Variants in KAZN observed in about 807,000 individuals in gnomAD.
The protein encoded by KAZN is kazrin.
KAZN carries 40 observed loss-of-function variants against 87.4 expected under a neutral mutation model. The ratio of observed to expected loss-of-function variants is 0.46; its 90% CI spans 0.36 to 0.60. The LOEUF is 0.60. KAZN is among the 20% of genes least tolerant of loss of function. The pLI, the probability that KAZN is intolerant of heterozygous loss-of-function variation, is 0.00. For synonymous variants in KAZN, 466 were observed against 458.3 expected, an observed-to-expected ratio of 1.02 and a Z score of -0.22; for missense variants, 898 against 1,073.9, an observed-to-expected ratio of 0.84 and a Z score of 2.29.
intron 1 of KAZN, among the ~76,000 whole-genome samples, chr1:14,946,547 C>A (rs1219182824): frequency 6.6e-6 from 1 of 152,026 alleles, no homozygotes; most frequent in Non-Finnish European, 1.5e-5. Flanking sequence ...CCGTGTTAGC[C>A]AGGATGGTCT....
At chr1:15,045,246 A>C (rs1158339639) in intron 4 of KAZN, among the ~76,000 whole-genome samples, 3 of 152,176 alleles carry the variant, frequency 2.0e-5, no homozygotes, top group Non-Finnish European at 4.4e-5. Flanking sequence ...CGTAAGTCTT[A>C]GAGGATTTGT....
intron 1 of KAZN, among the ~76,000 whole-genome samples, chr1:13,979,106 A>C (rs1460935230): frequency 6.6e-6 from 1 of 152,102 alleles, no homozygotes; most frequent in Non-Finnish European, 1.5e-5. Flanking sequence ...AAGAAAAAAA[A>C]AAAAAGCAAA....
rs79823808 is a variant in KAZN, at chr1:15,091,508, G to A, written c.1223-2672G>A. On this transcript the variant is annotated intron_variant, in intron 8 of 14. Transcript: ENST00000376030. ...TACAGGCGTGTGCTACCACGCCCAC[G>A]CCGGGATAATTTTTTGTAATTTTAG... is the stretch of plus-strand genomic sequence containing the variant. 4.2e-3 allele frequency among the ~76,000 whole-genome samples: 638 copies of A among 152,108 alleles called. 7 individuals are homozygous for A. The East Asian group carries it at 0.045, about 11-fold the overall frequency.
rs34732365 is a variant in KAZN, at chr1:14,743,429, C to CAA, written c.226+144219_226+144220dup. Among the ~76,000 whole-genome samples, 312 of 135,502 alleles carry CAA rather than the reference C, an allele frequency of 2.3e-3. 4 individuals are homozygous for CAA. Among genetic ancestry groups the CAA allele is most frequent in the Admixed American group, 7.6e-3 (100 of 13,150 alleles). The allele number at this position is 135,502 out of a possible 152,430, so 88.9% of individuals were successfully genotyped here. ...TGGGGGACTGAGCGAGACTCTGTCT[C>CAA]AAAAAAAAAAAAAAGTACATACAAT... On this transcript the variant is annotated intron_variant, in intron 1 of 14. Transcript: ENST00000376030.
At chr1:14,416,740 GA>G (rs913483575) in intron 2 of KAZN, among the ~76,000 whole-genome samples, 49 of 148,484 alleles carry the variant, frequency 3.3e-4, no homozygotes, top group African/African-American at 1.1e-3. Context: ...CTGTCTCAAA[GA>G]AAAAAAAATA....
intron 2 of KAZN, among the ~76,000 whole-genome samples, chr1:14,431,344 T>G (rs1666059448): frequency 6.6e-6 from 1 of 152,178 alleles, no homozygotes; most frequent in Admixed American, 6.5e-5. Context: ...AAATAGCCAA[T>G]AAGTGTGGAG....
chr1:14,415,079 T>C (rs6662750), intron 2 of KAZN, among the ~76,000 whole-genome samples: 69,113 of 151,946 alleles, frequency 0.45, 16,489 homozygotes, highest in African/African-American at 0.58. Flanking sequence ...CAGAGGGAGC[T>C]TCAATTGTAT....
chr1:14,130,515 G>T (rs896232380), intron 1 of KAZN, among the ~76,000 whole-genome samples: 2 of 145,384 alleles, frequency 1.4e-5, no homozygotes, highest in African/African-American at 2.6e-5. Flanking sequence ...TATTAATGTA[G>T]CATGTCTTGT....
At chr1:14,603,492 CTTA>C (rs1297703002) in intron 1 of KAZN, among the ~76,000 whole-genome samples, 1 of 152,208 alleles carries the variant, frequency 6.6e-6, no homozygotes, top group Non-Finnish European at 1.5e-5. Flanking sequence ...GTTGAAATTA[CTTA>C]TTGATTGGGG....
chr1:14,317,468 A>G (rs1655732067), intron 2 of KAZN, among the ~76,000 whole-genome samples: 1 of 151,962 alleles, frequency 6.6e-6, no homozygotes, highest in South Asian at 2.1e-4. Context: ...TGCTTTCTAA[A>G]AAAATTAGCT....
chr1:14,361,024 T>G (rs1192304325), intron 2 of KAZN, among the ~76,000 whole-genome samples: 1 of 152,228 alleles, frequency 6.6e-6, no homozygotes, highest in Non-Finnish European at 1.5e-5. Context: ...TTAAGTCTGC[T>G]GAAGCTGCAC....
At chr1:14,924,732 G>T (rs995565280) in intron 1 of KAZN, among the ~76,000 whole-genome samples, 3 of 152,194 alleles carry the variant, frequency 2.0e-5, no homozygotes, top group African/African-American at 7.2e-5. Context: ...GGTGCAGCGG[G>T]AGGCGTGCGG....
chr1:14,070,066 G>A (rs1360284389), intron 1 of KAZN, among the ~76,000 whole-genome samples: 1 of 150,422 alleles, frequency 6.6e-6, no homozygotes, highest in Non-Finnish European at 1.5e-5. Flanking sequence ...CTACTCGGGA[G>A]GCTAAGGCAG....
intron 1 of KAZN, among the ~76,000 whole-genome samples, chr1:14,775,652 C>G (rs1353590272): frequency 6.6e-6 from 1 of 152,214 alleles, no homozygotes; most frequent in Non-Finnish European, 1.5e-5. Context: ...GCCACACTTC[C>G]TCAACGTGCG....
chr1:14,592,068 T>G (rs1676235123), intron 2 of KAZN, among the ~76,000 whole-genome samples: 1 of 152,164 alleles, frequency 6.6e-6, no homozygotes, highest in Non-Finnish European at 1.5e-5. Flanking sequence ...CCCTGAGCCT[T>G]GGCCGCTCCT....
chr1:14,420,689 G>A (rs577609482), intron 2 of KAZN, among the ~76,000 whole-genome samples: 5 of 152,288 alleles, frequency 3.3e-5, no homozygotes, highest in South Asian at 4.1e-4. Context: ...CGAGTGCAGC[G>A]CCTGCAGGCC....
At chr1:14,585,446 A>G (rs1281915082) in intron 2 of KAZN, among the ~76,000 whole-genome samples, 1 of 152,202 alleles carries the variant, frequency 6.6e-6, no homozygotes, top group Non-Finnish European at 1.5e-5. Context: ...GGTTTGCTCC[A>G]TATGTCTGCA....
At chr1:14,368,114 G>A (rs1660164558) in intron 2 of KAZN, among the ~76,000 whole-genome samples, 1 of 152,136 alleles carries the variant, frequency 6.6e-6, no homozygotes, top group South Asian at 2.1e-4. Flanking sequence ...ATCTGTACGT[G>A]CAGATACAAC....
At chr1:14,952,305 G>A (rs1042367712) in intron 1 of KAZN, among the ~76,000 whole-genome samples, 1 of 150,344 alleles carries the variant, frequency 6.7e-6, no homozygotes, top group African/African-American at 2.5e-5. Flanking sequence ...GTGTTTCCTG[G>A]TCACACAGAC....
Sources: gnomAD v4.1 joint callset for allele counts (sites outside exome capture counted in the v4.1 genomes callset) on GRCh38, gnomAD v4.1.1 for gene constraint, MANE v1.5 for transcripts, NCBI Gene and HGNC (gene_info 2026-07-23, HGNC 2026-07-21) for gene names.